The following MTA3 variants were observed in gnomAD, a reference collection of about 807,000 sequenced individuals.
The protein encoded by MTA3 is metastasis associated 1 family member 3.
In MTA3, 34 loss-of-function variants were observed where a neutral mutation model predicts 83.5. The ratio of observed to expected loss-of-function variants is 0.41; its 90% CI spans 0.31 to 0.54. MTA3 has a LOEUF of 0.54. Among genes scored for constraint, MTA3 ranks in the 20% least tolerant of loss-of-function variants. The pLI is 0.33. For synonymous variants in MTA3, 303 were observed against 252.7 expected (o/e 1.20, Z -1.89); for missense variants, 761 against 726.4 (o/e 1.05, Z -0.55).
intron 2 of MTA3, among the ~76,000 whole-genome samples, chr2:42,540,385 G>A (rs977063550): frequency 9.9e-5 from 15 of 151,736 alleles, no homozygotes; most frequent in Non-Finnish European, 1.3e-4. Context: ...TGTTGCCCAA[G>A]CTGGTCTTGA....
intron 6 of MTA3, among the ~76,000 whole-genome samples, chr2:42,650,915 A>G (rs1289712131): frequency 3.9e-5 from 6 of 152,224 alleles, no homozygotes; most frequent in African/African-American, 1.4e-4. Context: ...TAATGACAGC[A>G]ATACATTCTG....
At chr2:42,712,557 ATG>A (rs1666714524) in intron 14 of MTA3, among the ~76,000 whole-genome samples, 1 of 152,194 alleles carries the variant, frequency 6.6e-6, no homozygotes, top group Admixed American at 6.5e-5. Context: ...TTATATGTGA[ATG>A]TATAAATCCA....
At position 42,708,966 on chromosome 2, in the gene MTA3, C is replaced by T; in HGVS notation, c.1395C>T (p.Arg465=). ...GTCCAAAGTCTGCAGTGAAGACCCG[C>T]CAAGCTTTCTTCCTTCATACTACAT... is the stretch of plus-strand genomic sequence containing the variant. ...TGSPKSAVKT[R]QAFFLHTTYF... Residue 465 remains arginine (R), a synonymous_variant, in exon 14 of 17, where the codon CGC becomes CGT. Coordinates refer to ENST00000405094, the MANE Select transcript of MTA3 (RefSeq NM_001330442.2). The T allele has an allele frequency of 6.2e-7, 1 of 1,614,026 alleles. No homozygotes were observed.
intron 15 of MTA3, among the ~76,000 whole-genome samples, chr2:42,720,319 A>C (rs981298536): frequency 6.6e-6 from 1 of 152,032 alleles, no homozygotes; most frequent in Non-Finnish European, 1.5e-5. Flanking sequence ...AGTAGGTGGG[A>C]CTACAGGCAT....
intron 6 of MTA3, among the ~76,000 whole-genome samples, chr2:42,652,344 C>T (rs930040348): frequency 7.9e-5 from 12 of 152,034 alleles, no homozygotes; most frequent in Non-Finnish European, 2.9e-5. Flanking sequence ...ACTTCACTAA[C>T]GTAGATTTCC....
At chr2:42,503,540 C>T (rs1674493479) in intron 2 of MTA3, among the ~76,000 whole-genome samples, 1 of 152,158 alleles carries the variant, frequency 6.6e-6, no homozygotes, top group Non-Finnish European at 1.5e-5. Flanking sequence ...CTGGTTCAAA[C>T]ACCTCTGAAA....
chr2:42,709,466 A>T, intron 14 of MTA3: 1 of 297,476 alleles, frequency 3.4e-6, no homozygotes, highest in Non-Finnish European at 5.9e-6. Flanking sequence ...TGTTATAATG[A>T]GACTCCATAA....
chr2:42,562,846 T>C (rs1161830858), intron 2 of MTA3, among the ~76,000 whole-genome samples: 2 of 152,186 alleles, frequency 1.3e-5, no homozygotes, highest in East Asian at 3.8e-4. Flanking sequence ...GACATCTACC[T>C]GGATATTTCC....
chr2:42,561,359 G>A (rs1297436388), intron 2 of MTA3, among the ~76,000 whole-genome samples: 2 of 149,598 alleles, frequency 1.3e-5, no homozygotes, highest in Non-Finnish European at 3.0e-5. Flanking sequence ...ATCTCGCTCT[G>A]TTGCCCAGGC....
In MTA3 at chr2:42,705,406, C is replaced by G. The variant is rs552054118; in HGVS notation, c.1150+1088C>G. Among the ~76,000 whole-genome samples the G allele has an allele frequency of 2.6e-5, 4 of 152,276 alleles. No individual in the cohort carries two copies. In the South Asian group the frequency reaches 8.3e-4, roughly 32 times the overall value. Reference sequence around the variant, plus strand: ...GACAAGTGGTAGTGGCTTAACCTGTCTTGATTTTAACTTGCAGGCAGGGTG... The same window carrying G: ...GACAAGTGGTAGTGGCTTAACCTGTGTTGATTTTAACTTGCAGGCAGGGTG... On this transcript the variant is annotated intron_variant, in intron 12 of 16. Coordinates refer to ENST00000405094, the MANE Select transcript of MTA3 (RefSeq NM_001330442.2).
chr2:42,696,164 A>C (rs1429274864), intron 10 of MTA3, among the ~76,000 whole-genome samples: 2 of 152,200 alleles, frequency 1.3e-5, no homozygotes, highest in Non-Finnish European at 2.9e-5. Context: ...CTCTTGAACA[A>C]GTTATTTTTA....
intron 2 of MTA3, among the ~76,000 whole-genome samples, chr2:42,508,454 C>A (rs1176647807): frequency 6.6e-6 from 1 of 152,082 alleles, no homozygotes; most frequent in Non-Finnish European, 1.5e-5. Flanking sequence ...ACCTCAGCCC[C>A]CTGAGCATCT....
At position 42,753,676 on chromosome 2, in the gene MTA3, C is replaced by G. The variant is rs1670048078; in HGVS notation, c.*277C>G. The G allele has an allele frequency of 3.1e-6, 4 of 1,282,726 alleles. No individual in the cohort carries two copies. In the African/African-American group the frequency reaches 6.1e-5, roughly 20 times the overall value. The allele number at this position is 1,282,726 out of a possible 1,614,324, so 79.5% of individuals were successfully genotyped here. ...TGAGAATTGAGGGGCTGAGGGAACC[C>G]CTCCACCTCCTCCCTTCTGCAGCGC... On this transcript the variant is annotated 3_prime_UTR_variant, in exon 17 of 17. Coordinates refer to ENST00000405094, the MANE Select transcript of MTA3 (RefSeq NM_001330442.2).
At chr2:42,718,402 C>T (rs1337816173) in intron 14 of MTA3, among the ~76,000 whole-genome samples, 2 of 151,754 alleles carry the variant, frequency 1.3e-5, no homozygotes, top group Non-Finnish European at 2.9e-5. Context: ...CATGTGCCAC[C>T]ATGCCCAGCT....
At chr2:42,684,791 G>A (rs1193107819) in intron 9 of MTA3, among the ~76,000 whole-genome samples, 3 of 152,206 alleles carry the variant, frequency 2.0e-5, no homozygotes. Flanking sequence ...CTGAGTACCT[G>A]TAACATGCCA....
chr2:42,699,140 C>G (rs182255384), intron 11 of MTA3, among the ~76,000 whole-genome samples: 2 of 152,308 alleles, frequency 1.3e-5, no homozygotes, highest in East Asian at 1.9e-4. Context: ...CAGGGATCAA[C>G]AAACTATAGT....
intron 2 of MTA3, among the ~76,000 whole-genome samples, chr2:42,515,243 G>C (rs1184504238): frequency 6.6e-6 from 1 of 151,818 alleles, no homozygotes; most frequent in Non-Finnish European, 1.5e-5. Flanking sequence ...ATTTTTAGTA[G>C]AGACAGGGTT....
intron 2 of MTA3, among the ~76,000 whole-genome samples, chr2:42,529,393 GTCCATCATGC>G (rs1463741478): frequency 6.6e-6 from 1 of 152,166 alleles, no homozygotes; most frequent in African/African-American, 2.4e-5. Flanking sequence ...CCTGGTCTTG[GTCCATCATGC>G]TCCAGGTCCT....
chr2:42,576,310 G>A (rs1679025550), intron 2 of MTA3, among the ~76,000 whole-genome samples: 1 of 152,170 alleles, frequency 6.6e-6, no homozygotes. Context: ...TAGGTAGGGT[G>A]GAACAGGACA....
Sources: allele counts gnomAD v4.1 joint callset (sites outside exome capture counted in the v4.1 genomes callset), GRCh38; gene constraint gnomAD v4.1.1; transcripts MANE v1.5; gene names NCBI Gene and HGNC (gene_info 2026-07-23, HGNC 2026-07-21).